The following SCML4 variants were observed in gnomAD, a reference collection of about 807,000 sequenced individuals.
SCML4 encodes sex comb on midleg-like protein 4.
In SCML4, 34 loss-of-function variants were observed where a neutral mutation model predicts 41.1. The observed-to-expected ratio is 0.83, with a 90% confidence interval of 0.63 to 1.10. The LOEUF is 1.10. Among genes scored for constraint, SCML4 ranks in the 50% least tolerant of loss-of-function variants. SCML4 has a pLI of 0.00. For synonymous variants in SCML4, 214 were observed against 220.9 expected (o/e 0.97, Z 0.28); for missense variants, 522 against 534.1 (o/e 0.98, Z 0.22).
At chr6:107,823,548 C>T (rs1248111819) in intron 1 of SCML4, among the ~76,000 whole-genome samples, 1 of 152,086 alleles carries the variant, frequency 6.6e-6, no homozygotes, top group Admixed American at 6.5e-5. Flanking sequence ...AAATATTATT[C>T]TTATTTATGC....
intron 2 of SCML4, among the ~76,000 whole-genome samples, chr6:107,767,119 A>G (rs1780120795): frequency 6.6e-6 from 1 of 151,924 alleles, no homozygotes; most frequent in Non-Finnish European, 1.5e-5. Context: ...CACCATGCCC[A>G]GCTAGTTTTT....
chr6:107,772,342 G>T lies in SCML4; in HGVS notation c.-15C>A. 6.5e-7 allele frequency: 1 copy of T among 1,546,734 alleles called. No homozygotes were observed. The highest frequency in any genetic ancestry group is 1.2e-5 in the South Asian group (1 of 83,144). The stretch of plus-strand genomic sequence containing the variant: ...TGAGACTGCATTTCTGCTGGTGCCA[G>T]TCTTACAGAATGAGGTGACAAATCG... On this transcript the variant is annotated 5_prime_UTR_variant, in exon 2 of 8. The change creates a new upstream start codon in the 5' untranslated region. Coordinates refer to ENST00000369020, the MANE Select transcript of SCML4 (RefSeq NM_198081.5).
chr6:107,731,898 A>G, intron 5 of SCML4: 1 of 152,746 alleles, frequency 6.5e-6, no homozygotes, highest in Non-Finnish European at 1.5e-5. Context: ...GAGAAGGCGC[A>G]GGAAGCAGTA....
chr6:107,813,373 TA>T (rs1784316433), intron 1 of SCML4, among the ~76,000 whole-genome samples: 6 of 9,310 alleles, frequency 6.4e-4, no homozygotes, highest in Non-Finnish European at 1.4e-3. Flanking sequence ...AAAAAAATTA[TA>T]TATATATATA....
upstream of SCML4, among the ~76,000 whole-genome samples, chr6:107,827,252 AT>A (rs1183653778): frequency 2.7e-5 from 4 of 145,656 alleles, no homozygotes; most frequent in East Asian, 1.9e-4. Context: ...ATATATTTAC[AT>A]TTTTATTTAA....
At chr6:107,839,023 G>A in the SCML4 span, among the ~76,000 whole-genome samples, 2 of 152,148 alleles carry the variant, frequency 1.3e-5, no homozygotes, top group Non-Finnish European at 2.9e-5. Flanking sequence ...GGCAAAGCCA[G>A]GTGCAGTGGC....
chr6:107,803,094 C>T (rs1325667618), intron 1 of SCML4, among the ~76,000 whole-genome samples: 2 of 152,028 alleles, frequency 1.3e-5, no homozygotes, highest in Non-Finnish European at 2.9e-5. Flanking sequence ...CGGCTCGCTA[C>T]AACTTCCACC....
At chr6:107,804,065 AAG>A (rs1182921194) in intron 1 of SCML4, among the ~76,000 whole-genome samples, 4 of 74,954 alleles carry the variant, frequency 5.3e-5, no homozygotes, top group East Asian at 5.0e-4. Context: ...AAAAAAGAAA[AAG>A]AAAAAAAAAA....
At position 107,746,811 on chromosome 6, in the gene SCML4, A is replaced by T; in HGVS notation, c.365T>A (p.Phe122Tyr). The T allele has an allele frequency of 1.2e-6, 2 of 1,614,080 alleles. No homozygotes were observed. Among genetic ancestry groups the T allele is most frequent in the Non-Finnish European group, 1.7e-6 (2 of 1,179,998 alleles). ...CACCGCCGATGGCCGCTCGGGCCCA[A>T]AATGCTCCGGGAGCTGCTGCACCTT... ...RKKVQQLPEH[F>Y]GPERPSAVLQ... The change falls in exon 4 of 8, where the codon TTT (phenylalanine) becomes TAT (tyrosine). Residue 122 changes from phenylalanine (F) to tyrosine (Y), a missense_variant. Coordinates refer to ENST00000369020, the MANE Select transcript of SCML4 (RefSeq NM_198081.5).
intron 2 of SCML4, among the ~76,000 whole-genome samples, chr6:107,767,925 G>A (rs1780196311): frequency 3.3e-5 from 5 of 152,054 alleles, no homozygotes; most frequent in Admixed American, 3.3e-4. Context: ...GTGGGACCTG[G>A]AGCAGCCACG....
intron 1 of SCML4, among the ~76,000 whole-genome samples, chr6:107,813,220 C>T (rs904761104): frequency 6.7e-6 from 1 of 150,250 alleles, no homozygotes; most frequent in Non-Finnish European, 1.5e-5. Flanking sequence ...AAAATTAGCT[C>T]AGGGTGGTGG....
intron 5 of SCML4, chr6:107,740,031 T>C (rs1311336882): frequency 2.3e-6 from 1 of 437,798 alleles, no homozygotes; most frequent in Non-Finnish European, 4.6e-6. Flanking sequence ...TTCAAAGTAG[T>C]TATGAGCTAG....
chr6:107,705,240 A>G lies in SCML4; in HGVS notation c.1205T>C (p.Leu402Pro). ...LGLKLGPALKLCYHIDKLKQA... is the reference protein window; with the variant it reads ...LGLKLGPALKPCYHIDKLKQA... ...CTTCAGTTTGTCAATGTGGTAGCAG[A>G]GTTTCAGTGCAGGTCCCAGCTTCAG... Residue 402 changes from leucine to proline, a missense_variant, in exon 8 of 8, where the codon CTC becomes CCC. Coordinates refer to ENST00000369020, the MANE Select transcript of SCML4 (RefSeq NM_198081.5). 6.4e-7 allele frequency: 1 copy of G among 1,551,730 alleles called. No individual in the cohort carries two copies. The highest frequency in any genetic ancestry group is 8.7e-7 in the Non-Finnish European group (1 of 1,146,950).
rs537762134 is a variant in SCML4, at chr6:107,802,709, C to T, written c.-60+21417G>A. The stretch of plus-strand genomic sequence containing the variant: ...CCCTCCCCCTCCTCTCCCTCTCCCT[C>T]CTCTCCCTCTCCCTCTCCCCCTCCC... On this transcript the variant is annotated intron_variant, in intron 1 of 7. Coordinates refer to ENST00000369020, the MANE Select transcript of SCML4 (RefSeq NM_198081.5). Among the ~76,000 whole-genome samples the T allele has an allele frequency of 1.1e-3, 145 of 133,292 alleles. 3 individuals are homozygous for T. Among genetic ancestry groups the T allele is most frequent in the Non-Finnish European group, 1.5e-3 (96 of 65,650 alleles). The allele number at this position is 133,292 out of a possible 152,430, so 87.4% of individuals were successfully genotyped here. A position where few individuals can be genotyped will look rare whatever the true frequency, so the allele number is the denominator to read the frequency against.
At chr6:107,784,540 G>A (rs756017377) in intron 1 of SCML4, among the ~76,000 whole-genome samples, 4 of 152,218 alleles carry the variant, frequency 2.6e-5, no homozygotes, top group Non-Finnish European at 4.4e-5. Context: ...TACAATAGTA[G>A]CAATTGTCTC....
chr6:107,769,516 C>T (rs1489827607), intron 2 of SCML4, among the ~76,000 whole-genome samples: 1 of 152,146 alleles, frequency 6.6e-6, no homozygotes, highest in African/African-American at 2.4e-5. Context: ...CAAGAAGTGA[C>T]AAATGTCAAC....
intron 1 of SCML4, among the ~76,000 whole-genome samples, chr6:107,793,116 C>G (rs1782460613): frequency 6.6e-6 from 1 of 152,152 alleles, no homozygotes; most frequent in Non-Finnish European, 1.5e-5. Context: ...GGTGGAGGCA[C>G]AATGTGGTCG....
rs1778462003 is a variant in SCML4, at chr6:107,749,806, G to C, written c.164C>G (p.Ser55Cys). 1 of 1,614,068 alleles carries C rather than the reference G, an allele frequency of 6.2e-7. No homozygotes were observed. Among genetic ancestry groups the C allele is most frequent in the Non-Finnish European group, 8.5e-7 (1 of 1,179,954 alleles). ...RGRKPGYKIK[S>C]RVLMTPLALS... ...GGCTAAGGGAGTCATGAGAACCCGAGACTTGATCTGGAAGAGAGAGCCCAT... is the reference window on the plus strand; with the variant it reads ...GGCTAAGGGAGTCATGAGAACCCGACACTTGATCTGGAAGAGAGAGCCCAT... The change falls in exon 3 of 8, where the codon TCT becomes TGT. Residue 55 changes from serine (S) to cysteine (C), a missense_variant. Ser to Cys is a moderately radical substitution (Grantham distance 112). Transcript: ENST00000369020.
intron 2 of SCML4, among the ~76,000 whole-genome samples, chr6:107,771,295 T>C (rs910618370): frequency 2.0e-5 from 3 of 152,332 alleles, no homozygotes; most frequent in Middle Eastern, 6.8e-3. Context: ...AATTGCCAAT[T>C]TGCATTCTGG....
Sources: allele counts gnomAD v4.1 joint callset (sites outside exome capture counted in the v4.1 genomes callset), GRCh38; gene constraint gnomAD v4.1.1; transcripts MANE v1.5; gene names NCBI Gene and HGNC (gene_info 2026-07-23, HGNC 2026-07-21).